TMEFF2: variants seen among roughly 807,000 people sequenced by gnomAD.
The protein encoded by TMEFF2 is transmembrane protein with EGF like and two follistatin like domains 2, also known as tomoregulin-2.
TMEFF2 carries 28 observed loss-of-function variants against 53.8 expected under a neutral mutation model. The ratio of observed to expected loss-of-function variants is 0.52; its 90% CI spans 0.39 to 0.71. TMEFF2 has a LOEUF of 0.71. Among genes scored for constraint, TMEFF2 ranks in the 30% least tolerant of loss-of-function variants. The pLI is 0.00. For missense variants in TMEFF2, 353 were observed against 455.2 expected, an observed-to-expected ratio of 0.78 and a Z score of 2.04; for synonymous variants, 162 against 166.3, an observed-to-expected ratio of 0.97 and a Z score of 0.20.
At chr2:192,171,716 C>G (rs974917190) in intron 4 of TMEFF2, among the ~76,000 whole-genome samples, 1 of 151,734 alleles carries the variant, frequency 6.6e-6, no homozygotes, top group African/African-American at 2.4e-5. Flanking sequence ...CAGGATTTGC[C>G]CCTTCATTCC....
At chr2:192,016,137 C>T (rs931791654) in intron 5 of TMEFF2, among the ~76,000 whole-genome samples, 3 of 152,086 alleles carry the variant, frequency 2.0e-5, no homozygotes, top group Non-Finnish European at 2.9e-5. Context: ...GTGGCCATAT[C>T]ATAAGACAGA....
At chr2:192,129,196 G>C (rs563786754) in intron 4 of TMEFF2, among the ~76,000 whole-genome samples, 1 of 152,186 alleles carries the variant, frequency 6.6e-6, no homozygotes, top group Admixed American at 6.5e-5. Flanking sequence ...TCTTCGAATT[G>C]GTTCCCTGAG....
chr2:192,119,715 CAGGGAG>C (rs1689502791), intron 4 of TMEFF2, among the ~76,000 whole-genome samples: 2 of 152,296 alleles, frequency 1.3e-5, no homozygotes, highest in African/African-American at 4.8e-5. Context: ...TTTGACAGTA[CAGGGAG>C]GGAGTTTGTT....
At chr2:192,154,309 T>C (rs974254749) in intron 4 of TMEFF2, among the ~76,000 whole-genome samples, 1 of 152,024 alleles carries the variant, frequency 6.6e-6, no homozygotes, top group Non-Finnish European at 1.5e-5. Flanking sequence ...GGTTGGTGTG[T>C]GATAGAGCTT....
intron 4 of TMEFF2, among the ~76,000 whole-genome samples, chr2:192,164,676 C>A (rs1264161673): frequency 4.7e-5 from 7 of 149,858 alleles, no homozygotes; most frequent in African/African-American, 1.7e-4. Flanking sequence ...TGCAGTGAGC[C>A]AAGATCATGC....
At chr2:192,146,359 A>G (rs957722956) in intron 4 of TMEFF2, among the ~76,000 whole-genome samples, 2 of 152,060 alleles carry the variant, frequency 1.3e-5, no homozygotes, top group Non-Finnish European at 2.9e-5. Flanking sequence ...ATGCCAGGAA[A>G]TGGGTGTGGA....
rs1316034374 is a variant in TMEFF2, at chr2:191,950,312, T to C, written c.1124A>G (p.Ter375=). 1 of 1,612,832 alleles carries C rather than the reference T, an allele frequency of 6.2e-7. No homozygotes were observed. The highest frequency in any genetic ancestry group is 1.3e-5 in the African/African-American group (1 of 74,858). The change falls in exon 10 of 10, where the codon TAA becomes TGA. Residue 375 remains the stop codon, a stop_retained_variant. Coordinates refer to ENST00000272771, the MANE Select transcript of TMEFF2 (RefSeq NM_016192.4). ...NTTRASTRLI[*] is the part of the protein sequence containing the mutation. ...CAGCCACTGTGAAACATGCTCCCTT[T>C]AGATTAACCTCGTGGACGCTCTTGT...
chr2:192,100,759 T>A (rs1221918404), intron 4 of TMEFF2, among the ~76,000 whole-genome samples: 1 of 152,136 alleles, frequency 6.6e-6, no homozygotes, highest in Non-Finnish European at 1.5e-5. Context: ...CTTTTTAAAA[T>A]TAAATACTCC....
Position 191,950,288 on chromosome 2 carries a change from A to G in TMEFF2, c.*23T>C. 1 of 1,610,046 alleles carries G rather than the reference A, an allele frequency of 6.2e-7. No individual in the cohort carries two copies. Among genetic ancestry groups the G allele is most frequent in the Non-Finnish European group, 8.5e-7 (1 of 1,177,412 alleles). On this transcript the variant is annotated 3_prime_UTR_variant, in exon 10 of 10. Transcript: ENST00000272771. ...GTGTAGTCCAAGCTCTCGGTAGTCC[A>G]GCCACTGTGAAACATGCTCCCTTTA...
At chr2:192,145,402 T>C (rs1006774991) in intron 4 of TMEFF2, among the ~76,000 whole-genome samples, 2 of 151,968 alleles carry the variant, frequency 1.3e-5, no homozygotes, top group Non-Finnish European at 2.9e-5. Flanking sequence ...TAGAAGTATA[T>C]GGTAACACAG....
At chr2:191,991,801 G>GTGTC (rs1474306330) in intron 7 of TMEFF2, among the ~76,000 whole-genome samples, 1 of 152,070 alleles carries the variant, frequency 6.6e-6, no homozygotes, top group African/African-American at 2.4e-5. Flanking sequence ...GTTTTCCAGA[G>GTGTC]TGTCTACCAG....
At chr2:192,039,559 A>AT (rs1687422927) in intron 5 of TMEFF2, among the ~76,000 whole-genome samples, 1 of 152,218 alleles carries the variant, frequency 6.6e-6, no homozygotes, top group Admixed American at 6.5e-5. Flanking sequence ...AAAATAAAAT[A>AT]TTTACAGAAA....
At chr2:192,009,855 A>G (rs1686584691) in intron 5 of TMEFF2, among the ~76,000 whole-genome samples, 1 of 152,198 alleles carries the variant, frequency 6.6e-6, no homozygotes, top group Admixed American at 6.6e-5. Context: ...CACAAGTATT[A>G]TATTACTTTT....
intron 4 of TMEFF2, among the ~76,000 whole-genome samples, chr2:192,123,722 G>T (rs1450574999): frequency 1.3e-5 from 2 of 152,028 alleles, no homozygotes; most frequent in Non-Finnish European, 2.9e-5. Context: ...CAATATTCTT[G>T]TTTATAAATT....
At chr2:191,967,990 G>A (rs1289097995) in intron 7 of TMEFF2, among the ~76,000 whole-genome samples, 1 of 152,182 alleles carries the variant, frequency 6.6e-6, no homozygotes, top group African/African-American at 2.4e-5. Flanking sequence ...TGGCCTGTGT[G>A]CCTGTAACAA....
chr2:192,110,823 G>T (rs1327959381), intron 4 of TMEFF2, among the ~76,000 whole-genome samples: 1 of 152,156 alleles, frequency 6.6e-6, no homozygotes, highest in African/African-American at 2.4e-5. Context: ...ATGTGTTGTG[G>T]AAGGGGCCTG....
intron 4 of TMEFF2, among the ~76,000 whole-genome samples, chr2:192,122,878 T>C (rs1031780195): frequency 1.1e-4 from 17 of 152,004 alleles, no homozygotes; most frequent in African/African-American, 4.1e-4. Flanking sequence ...AAATGTAAAG[T>C]GAGAATATAA....
At chr2:191,995,269 C>A (rs1226140579) in intron 7 of TMEFF2, among the ~76,000 whole-genome samples, 6 of 152,052 alleles carry the variant, frequency 3.9e-5, no homozygotes, top group African/African-American at 1.4e-4. Context: ...TAATCAGAAA[C>A]ATGTGTTCCT....
At chr2:192,079,412 G>GT (rs935379999) in intron 4 of TMEFF2, among the ~76,000 whole-genome samples, 32 of 152,022 alleles carry the variant, frequency 2.1e-4, no homozygotes, top group African/African-American at 7.5e-4. Flanking sequence ...ATCAAATAAG[G>GT]TTTTTTGTAA....
Sources: gnomAD v4.1 joint callset for allele counts (sites outside exome capture counted in the v4.1 genomes callset) on GRCh38, gnomAD v4.1.1 for gene constraint, MANE v1.5 for transcripts, NCBI Gene and HGNC (gene_info 2026-07-23, HGNC 2026-07-21) for gene names.